The following DNAJC6 variants were observed in gnomAD, a reference collection of about 807,000 sequenced individuals.
DNAJC6 encodes the protein DnaJ heat shock protein family (Hsp40) member C6, also known as auxilin.
DNAJC6 carries 34 observed loss-of-function variants against 110.0 expected under a neutral mutation model. The ratio of observed to expected loss-of-function variants is 0.31; its 90% CI spans 0.24 to 0.41. The LOEUF (loss-of-function observed/expected upper bound fraction) is 0.41. DNAJC6 is among the 10% of genes least tolerant of loss of function. The pLI, the probability that DNAJC6 is intolerant of heterozygous loss-of-function variation, is 1.00. For synonymous variants in DNAJC6, 406 were observed against 437.2 expected (o/e 0.93, Z 0.89); for missense variants, 1,031 against 1,207.8 (o/e 0.85, Z 2.17).
chr1:65,361,178 A>G (rs1414269489), intron 1 of DNAJC6, among the ~76,000 whole-genome samples: 1 of 152,138 alleles, frequency 6.6e-6, no homozygotes, highest in Non-Finnish European at 1.5e-5. Context: ...GATAATAACC[A>G]CTTCCACTCT....
Position 65,406,035 on chromosome 1 carries a change from T to C in DNAJC6, c.2393T>C (p.Met798Thr), listed in dbSNP as rs1436437552. Reference protein sequence around the residue: ...QQPQPKPQPSMPHSSPQNRPN... With the variant: ...QQPQPKPQPSTPHSSPQNRPN... The stretch of plus-strand genomic sequence containing the variant: ...CCACAGCCTAAGCCTCAGCCCAGCA[T>C]GCCCCACTCCTCTCCCCAGAACCGA... The change falls in exon 16 of 19, where the codon ATG becomes ACG. Residue 798 changes from methionine to threonine, a missense_variant. Transcript: ENST00000371069. The C allele has an allele frequency of 1.9e-6, 3 of 1,614,152 alleles. No individual in the cohort carries two copies. The highest frequency in any genetic ancestry group is 2.2e-5 in the South Asian group (2 of 91,086).
At chr1:65,364,904 C>G in intron 2 of DNAJC6, 119 bp downstream of exon 2, 1 of 1,331,896 alleles carries the variant, frequency 7.5e-7, no homozygotes, top group South Asian at 1.4e-5. Flanking sequence ...TTTATGGGAT[C>G]TGATGAACTG....
At chr1:65,300,116 GT>G (rs1228647013) in intron 1 of DNAJC6, among the ~76,000 whole-genome samples, 2 of 151,286 alleles carry the variant, frequency 1.3e-5, no homozygotes, top group African/African-American at 4.9e-5. Flanking sequence ...ACCCCAGTTA[GT>G]TTGGATGCAC....
chr1:65,288,946 T>C (rs1320462370), intron 1 of DNAJC6, among the ~76,000 whole-genome samples: 1 of 152,194 alleles, frequency 6.6e-6, no homozygotes, highest in Non-Finnish European at 1.5e-5. Context: ...CTATGAAAAG[T>C]ACTACTATGA....
At chr1:65,331,018 C>T (rs1645284321) in intron 1 of DNAJC6, among the ~76,000 whole-genome samples, 1 of 152,156 alleles carries the variant, frequency 6.6e-6, no homozygotes. Context: ...TCCCATTGGC[C>T]AGAACTTAAT....
chr1:65,364,598 C>T (rs1329768828), intron 1 of DNAJC6, 37 bp from the exon 2 acceptor site: 2 of 1,578,682 alleles, frequency 1.3e-6, no homozygotes, highest in Non-Finnish European at 1.7e-6. Context: ...TCTGCCATCA[C>T]CATTTTTGTT....
rs1324972107 is a variant in DNAJC6, at chr1:65,401,784, T to A, written c.2131T>A (p.Ser711Thr). 1 of 1,613,532 alleles carries A rather than the reference T, an allele frequency of 6.2e-7. No homozygotes were observed. Among genetic ancestry groups the A allele is most frequent in the South Asian group, 1.1e-5 (1 of 90,978 alleles). ...KPGGFGMGSK[S>T]AATSPTGSSH... ...AGGAGGCTTTGGAATGGGAAGCAAG[T>A]CAGCTGCCACCAGCCCAACCGGATC... Residue 711 changes from serine (S) to threonine (T), a missense_variant, in exon 15 of 19, where the codon TCA becomes ACA. By Grantham distance (58) the Ser-to-Thr change is moderately conservative. Transcript: ENST00000371069.
intron 1 of DNAJC6, among the ~76,000 whole-genome samples, chr1:65,290,612 C>T (rs1644863766): frequency 6.6e-6 from 1 of 152,154 alleles, no homozygotes; most frequent in Non-Finnish European, 1.5e-5. Context: ...TTCGGCAAGG[C>T]AGTTAGCATT....
chr1:65,277,200 G>A (rs574976559), intron 1 of DNAJC6, among the ~76,000 whole-genome samples: 4 of 152,020 alleles, frequency 2.6e-5, no homozygotes, highest in Non-Finnish European at 5.9e-5. Flanking sequence ...AAAAACCAAG[G>A]TAACAATGTC....
At chr1:65,306,971 TTTCTCTC>T (rs1557511710), upstream of DNAJC6, among the ~76,000 whole-genome samples, 6 of 107,182 alleles carry the variant, frequency 5.6e-5, no homozygotes, top group African/African-American at 2.3e-4. Context: ...TCTCAATCTG[TTTCTCTC>T]TCTCTCTCTC....
intron 1 of DNAJC6, among the ~76,000 whole-genome samples, chr1:65,358,609 T>G (rs1430801669): frequency 6.6e-6 from 1 of 152,232 alleles, no homozygotes; most frequent in Non-Finnish European, 1.5e-5. Flanking sequence ...TAAACTGAGA[T>G]AGTTTTCTTT....
intron 1 of DNAJC6, among the ~76,000 whole-genome samples, chr1:65,293,742 A>G (rs898524400): frequency 1.3e-5 from 2 of 152,208 alleles, no homozygotes; most frequent in African/African-American, 4.8e-5. Flanking sequence ...AGAGCTAATT[A>G]TTGTTAATAT....
At chr1:65,344,476 C>G (rs1645418883) in intron 1 of DNAJC6, among the ~76,000 whole-genome samples, 1 of 151,988 alleles carries the variant, frequency 6.6e-6, no homozygotes, top group Non-Finnish European at 1.5e-5. Context: ...AGCTAGTGTG[C>G]CAGGGAAATA....
At chr1:65,317,530 A>G (rs186229089) in intron 1 of DNAJC6, among the ~76,000 whole-genome samples, 43 of 152,366 alleles carry the variant, frequency 2.8e-4, no homozygotes, top group Admixed American at 2.4e-3. Flanking sequence ...GAAACTTTAA[A>G]TTAAAATTAA....
intron 4 of DNAJC6, among the ~76,000 whole-genome samples, chr1:65,366,421 C>T (rs1173859362): frequency 1.3e-5 from 2 of 152,288 alleles, no homozygotes; most frequent in Non-Finnish European, 2.9e-5. Context: ...GAAATACCAT[C>T]GAAGTTGGGG....
At chr1:65,376,009 G>A (rs560328241) in intron 4 of DNAJC6, among the ~76,000 whole-genome samples, 252 of 152,228 alleles carry the variant, frequency 1.7e-3, no homozygotes, top group African/African-American at 5.7e-3. Flanking sequence ...CAGTGAATCC[G>A]TCAGGACCTG....
At chr1:65,375,078 C>G (rs986239780) in intron 4 of DNAJC6, among the ~76,000 whole-genome samples, 1 of 151,804 alleles carries the variant, frequency 6.6e-6, no homozygotes, top group African/African-American at 2.4e-5. Context: ...GTTCTCCTGC[C>G]TCAGCCTCCC....
chr1:65,326,409 A>G (rs1645242138), intron 1 of DNAJC6, among the ~76,000 whole-genome samples: 1 of 152,240 alleles, frequency 6.6e-6, no homozygotes, highest in Non-Finnish European at 1.5e-5. Flanking sequence ...AAGGATGGGT[A>G]GGATTTGAAC....
At chr1:65,307,010 C>CTATATATATA (rs1282683088), upstream of DNAJC6, among the ~76,000 whole-genome samples, 2 of 84,768 alleles carry the variant, frequency 2.4e-5, no homozygotes, top group African/African-American at 1.1e-4. Context: ...CTCTCTCTCT[C>CTATATATATA]TCTCTCTCTA....
Sources: allele counts gnomAD v4.1 joint callset (sites outside exome capture counted in the v4.1 genomes callset), GRCh38; gene constraint gnomAD v4.1.1; transcripts MANE v1.5; gene names NCBI Gene and HGNC (gene_info 2026-07-23, HGNC 2026-07-21).